The following HTR2C variants were observed in gnomAD, a reference collection of about 807,000 sequenced individuals.
HTR2C encodes the protein 5-hydroxytryptamine (serotonin) receptor 2C, G protein-coupled.
In HTR2C, 5 loss-of-function variants were observed where a neutral mutation model predicts 21.0. The observed-to-expected ratio is 0.24, with a 90% CI of 0.12 to 0.50. HTR2C has a LOEUF of 0.50. HTR2C is among the 20% of genes least tolerant of loss of function. The pLI is 0.98. For synonymous variants in HTR2C, 150 were observed against 145.3 expected (o/e 1.03, Z -0.23); for missense variants, 271 against 371.2 (o/e 0.73, Z 2.22).
At chrX:114,728,748 C>CA (rs1289936978) in intron 3 of HTR2C, among the ~76,000 whole-genome samples, 3 of 111,337 alleles carry the variant, frequency 2.7e-5, no homozygotes, top group Admixed American at 1.9e-4. Context: ...AGTCCAAACT[C>CA]AAAGATACTC....
At chrX:114,635,863 C>G (rs782740911) in intron 2 of HTR2C, among the ~76,000 whole-genome samples, 13 of 111,473 alleles carry the variant, frequency 1.2e-4, no homozygotes, top group Non-Finnish European at 2.4e-4. Flanking sequence ...TGAATTGAAA[C>G]TTTTTTCTTG....
At chrX:114,764,865 ATCTTTCTT>A (rs1234459517) in intron 4 of HTR2C, among the ~76,000 whole-genome samples, 1,237 of 44,956 alleles carry the variant, frequency 0.028, 23 homozygotes, top group African/African-American at 0.051. Flanking sequence ...CATGGAATCA[ATCTTTCTT>A]TCTTTCTTTC....
chrX:114,790,024 T>A (rs1423186023), intron 4 of HTR2C, among the ~76,000 whole-genome samples: 1 of 112,461 alleles, frequency 8.9e-6, no homozygotes, highest in Non-Finnish European at 1.9e-5. Context: ...TGAGTTAGGT[T>A]TGCACTTCTA....
chrX:114,734,793 A>G (rs1298977746), intron 4 of HTR2C, among the ~76,000 whole-genome samples: 1 of 110,330 alleles, frequency 9.1e-6, no homozygotes, highest in Non-Finnish European at 1.9e-5. Flanking sequence ...ATACAAATAT[A>G]TATATATAAA....
At chrX:114,815,625 T>C (rs1556454225) in intron 4 of HTR2C, among the ~76,000 whole-genome samples, 1 of 111,553 alleles carries the variant, frequency 9.0e-6, no homozygotes, top group African/African-American at 3.2e-5. Flanking sequence ...CGTGCCTAAA[T>C]TATTGATAAA....
intron 2 of HTR2C, among the ~76,000 whole-genome samples, chrX:114,640,456 T>G (rs1439622922): frequency 8.9e-6 from 1 of 111,869 alleles, no homozygotes; most frequent in African/African-American, 3.2e-5. Context: ...AATCACATCT[T>G]ATCATTTGCC....
At chrX:114,867,484 T>C (rs1375806943) in intron 5 of HTR2C, among the ~76,000 whole-genome samples, 5 of 111,062 alleles carry the variant, frequency 4.5e-5, no homozygotes, top group African/African-American at 1.3e-4. Flanking sequence ...ATTGTACCCT[T>C]TGTTGTGCGG....
intron 3 of HTR2C, among the ~76,000 whole-genome samples, chrX:114,729,066 G>A (rs991148587): frequency 2.7e-5 from 3 of 112,003 alleles, no homozygotes; most frequent in Non-Finnish European, 5.6e-5. Context: ...TTTTTAAAAT[G>A]CCAGCAGGAC....
At chrX:114,839,136 A>T (rs782599936) in intron 4 of HTR2C, among the ~76,000 whole-genome samples, 2 of 112,260 alleles carry the variant, frequency 1.8e-5, no homozygotes, top group East Asian at 5.6e-4. Flanking sequence ...AATAATTGGT[A>T]GTTTGATTTC....
chrX:114,844,560 G>A (rs782013107), intron 4 of HTR2C, among the ~76,000 whole-genome samples: 14 of 111,660 alleles, frequency 1.3e-4, no homozygotes, highest in Non-Finnish European at 2.6e-4. Flanking sequence ...CAGTTAAAAG[G>A]CAGACACTAG....
At chrX:114,584,789 G>T (rs377396132) in intron 1 of HTR2C, 130 bp downstream of exon 1, 1 of 111,254 alleles carries the variant, frequency 9.0e-6, no homozygotes, top group Non-Finnish European at 1.9e-5. Context: ...GCGGAGGTTG[G>T]GGGGAGGGAC....
rs1929505551 is a variant in HTR2C, at chrX:114,629,084, G to A, written c.-80+15203G>A. 4.5e-5 allele frequency among the ~76,000 whole-genome samples: 5 copies of A among 111,837 alleles called. No homozygotes were observed. In the South Asian group the frequency reaches 1.9e-3, roughly 41 times the overall value. ...TATATTTATATCTGTGAAATGATCT[G>A]TGCATTTAAGAGAGTATCTATACTC... On this transcript the variant is annotated intron_variant, in intron 2 of 5. Coordinates refer to ENST00000276198, the MANE Select transcript of HTR2C (RefSeq NM_000868.4).
intron 5 of HTR2C, among the ~76,000 whole-genome samples, chrX:114,867,616 C>A (rs1374944256): frequency 9.0e-6 from 1 of 111,531 alleles, no homozygotes; most frequent in Non-Finnish European, 1.9e-5. Flanking sequence ...CCAATGTTTT[C>A]TTGCAATAGT....
chrX:114,714,001 C>A (rs1375424524), intron 2 of HTR2C, among the ~76,000 whole-genome samples: 2 of 111,133 alleles, frequency 1.8e-5, no homozygotes, highest in Non-Finnish European at 3.8e-5. Flanking sequence ...GAAGAATTCT[C>A]CACAAATCTA....
intron 2 of HTR2C, among the ~76,000 whole-genome samples, chrX:114,704,384 G>C (rs1932689336): frequency 1.8e-5 from 2 of 111,442 alleles, no homozygotes. Flanking sequence ...CTTCATCCCT[G>C]GGATGCAAGG....
At chrX:114,811,985 G>T (rs1277389887) in intron 4 of HTR2C, among the ~76,000 whole-genome samples, 3 of 110,970 alleles carry the variant, frequency 2.7e-5, no homozygotes, top group African/African-American at 9.9e-5. Context: ...GGATGTGCAG[G>T]TTTGTTACAT....
intron 4 of HTR2C, among the ~76,000 whole-genome samples, chrX:114,737,526 G>A (rs1472910326): frequency 4.5e-5 from 5 of 111,143 alleles, no homozygotes; most frequent in African/African-American, 1.6e-4. Flanking sequence ...GGGCACTCCT[G>A]ACTTTTTAAA....
In HTR2C at chrX:114,667,763, C is replaced by T. The variant is rs782498635; in HGVS notation, c.-80+53882C>T. Among the ~76,000 whole-genome samples the T allele has an allele frequency of 2.0e-4, 22 of 111,556 alleles. No individual in the cohort carries two copies. In the South Asian group the frequency reaches 2.2e-3, roughly 11 times the overall value. On this transcript the variant is annotated intron_variant, in intron 2 of 5. Transcript: ENST00000276198. ...GATTGTGCACAGACCCTCTTCCAAA[C>T]GTGTTTCACAAATCCAAGGCAGTTA...
chrX:114,686,487 C>T (rs1931916701), intron 2 of HTR2C, among the ~76,000 whole-genome samples: 1 of 110,967 alleles, frequency 9.0e-6, no homozygotes, highest in Non-Finnish European at 1.9e-5. Context: ...AGACTTATTT[C>T]TGAGAGGGCC....
Sources: allele counts gnomAD v4.1 joint callset (sites outside exome capture counted in the v4.1 genomes callset), GRCh38; gene constraint gnomAD v4.1.1; transcripts MANE v1.5; gene names NCBI Gene and HGNC (gene_info 2026-07-23, HGNC 2026-07-21).